The following FTO variants were observed in gnomAD, a reference collection of about 807,000 sequenced individuals.
FTO encodes the protein alpha-ketoglutarate-dependent dioxygenase FTO.
In FTO, 47 loss-of-function variants were observed where a neutral mutation model predicts 63.9. The ratio of observed to expected loss-of-function variants is 0.74; its 90% CI spans 0.58 to 0.94. The LOEUF (loss-of-function observed/expected upper bound fraction) is 0.94. FTO is among the 40% of genes least tolerant of loss of function. FTO has a pLI of 0.00. For synonymous variants in FTO, 207 were observed against 224.4 expected (o/e 0.92, Z 0.69); for missense variants, 562 against 618.1 (o/e 0.91, Z 0.96).
Position 53,788,602 on chromosome 16 carries a change from CAA to C in FTO, c.46-21517_46-21516del, listed in dbSNP as rs530568312. ...TGGGCGACAGAGCTAGACTCTGTCT[CAA>C]AAAAAAAAAAAAAAAAAAAATTGAC... is the stretch of plus-strand genomic sequence containing the variant. On this transcript the variant is annotated intron_variant, in intron 1 of 8. Transcript: ENST00000471389. Among the ~76,000 whole-genome samples the C allele has an allele frequency of 8.5e-3, 855 of 100,124 alleles. 9 individuals carry two copies. Among genetic ancestry groups the C allele is most frequent in the African/African-American group, 0.026 (717 of 27,538 alleles). The allele number at this position is 100,124 out of a possible 152,430, so 65.7% of individuals were successfully genotyped here.
chr16:54,119,781 T>C lies in FTO; in HGVS notation c.*7866T>C, dbSNP rs2086993544. 1 of 152,216 alleles carries C rather than the reference T, an allele frequency of 6.6e-6. No homozygotes were observed. The highest frequency in any genetic ancestry group is 2.1e-4 in the South Asian group (1 of 4,826). 9.4% of individuals were successfully genotyped at this position (152,216 alleles called of 1,614,324 possible). A position where few individuals can be genotyped will look rare whatever the true frequency, so the allele number is the denominator to read the frequency against. On this transcript the variant is annotated 3_prime_UTR_variant, in exon 9 of 9. Transcript: ENST00000471389. Reference sequence around the variant, plus strand: ...TCATTTAAGGGCTGCAGTGATTGTTTTTAATATACCGTACATTGATTTCTC... The same window carrying C: ...TCATTTAAGGGCTGCAGTGATTGTTCTTAATATACCGTACATTGATTTCTC...
At chr16:53,880,454 G>A (rs562149330) in intron 6 of FTO, among the ~76,000 whole-genome samples, 6 of 152,278 alleles carry the variant, frequency 3.9e-5, no homozygotes, top group Non-Finnish European at 8.8e-5. Context: ...CAGAGTCTCC[G>A]TATTTTTGTG....
At position 53,827,889 on chromosome 16, in the gene FTO, A is replaced by T. The variant is rs1027724145; in HGVS notation, c.751+1398A>T. Reference sequence around the variant, plus strand: ...GAACAATGGAGTTAGTTTCTTTCTTAAGGAGACAACTCTCCAAACCTGAAG... The same window carrying T: ...GAACAATGGAGTTAGTTTCTTTCTTTAGGAGACAACTCTCCAAACCTGAAG... On this transcript the variant is annotated intron_variant, in intron 3 of 8. Coordinates refer to ENST00000471389, the MANE Select transcript of FTO (RefSeq NM_001080432.3). 3.3e-5 allele frequency among the ~76,000 whole-genome samples: 5 copies of T among 152,330 alleles called. No individual in the cohort carries two copies. In the East Asian group the frequency reaches 9.7e-4, roughly 29 times the overall value.
intron 8 of FTO, among the ~76,000 whole-genome samples, chr16:54,028,085 G>A (rs544132982): frequency 6.6e-6 from 1 of 152,212 alleles, no homozygotes; most frequent in South Asian, 2.1e-4. Flanking sequence ...TTATCTGTCA[G>A]CAGCACCCTT....
intron 8 of FTO, chr16:53,993,682 T>G (rs1426628232): frequency 6.6e-6 from 1 of 152,260 alleles, no homozygotes; most frequent in African/African-American, 2.4e-5. Flanking sequence ...ATCCTCCTTT[T>G]GTAGCCTGCT....
Position 54,032,434 on chromosome 16 carries a change from G to A in FTO, c.1365-79328G>A, listed in dbSNP as rs569578607. Among the ~76,000 whole-genome samples the A allele has an allele frequency of 2.0e-5, 3 of 152,234 alleles. No individual in the cohort carries two copies. In the South Asian group the frequency reaches 6.2e-4, roughly 32 times the overall value. ...TACAGCCATGTAAATTAGCTATTGG[G>A]AAGACCTAAAGTGCACAACATTCTT... On this transcript the variant is annotated intron_variant, in intron 8 of 8. Transcript: ENST00000471389.
intron 8 of FTO, chr16:53,937,139 C>T (rs1228059604): frequency 1.0e-5 from 4 of 397,452 alleles, no homozygotes; most frequent in African/African-American, 4.1e-5. Flanking sequence ...CACAACCCAG[C>T]GACTCTAGAG....
intron 3 of FTO, among the ~76,000 whole-genome samples, chr16:53,839,769 CTTTT>C (rs146746378): frequency 0.4 from 57,530 of 143,956 alleles, 11,767 homozygotes; most frequent in East Asian, 0.66. Flanking sequence ...AATTGGTTTT[CTTTT>C]TTTTTATTTA....
chr16:53,957,664 A>G (rs947575543), intron 8 of FTO, among the ~76,000 whole-genome samples: 1 of 152,276 alleles, frequency 6.6e-6, no homozygotes, highest in Non-Finnish European at 1.5e-5. Context: ...CTCATGAATC[A>G]AAAGATAGCT....
At chr16:54,005,724 A>G (rs2084186772) in intron 8 of FTO, among the ~76,000 whole-genome samples, 1 of 152,202 alleles carries the variant, frequency 6.6e-6, no homozygotes, top group Non-Finnish European at 1.5e-5. Context: ...AGGATCAAAC[A>G]TAATCCTTGC....
intron 8 of FTO, among the ~76,000 whole-genome samples, chr16:53,975,722 A>G (rs1429782082): frequency 1.3e-5 from 2 of 152,158 alleles, no homozygotes; most frequent in African/African-American, 2.4e-5. Flanking sequence ...TATAAATAAT[A>G]TTAGATTGGA....
chr16:53,947,452 G>A (rs181826912), intron 8 of FTO, among the ~76,000 whole-genome samples: 1 of 152,332 alleles, frequency 6.6e-6, no homozygotes, highest in East Asian at 1.9e-4. Context: ...TGGTTCAGGA[G>A]AGGAGGAGAA....
chr16:53,974,178 G>A (rs1254727228), intron 8 of FTO, among the ~76,000 whole-genome samples: 1 of 152,128 alleles, frequency 6.6e-6, no homozygotes, highest in East Asian at 1.9e-4. Flanking sequence ...TGAGACCTCA[G>A]ACAAAAAGAT....
intron 8 of FTO, among the ~76,000 whole-genome samples, chr16:53,986,495 G>A (rs1239015777): frequency 6.6e-6 from 1 of 152,154 alleles, no homozygotes; most frequent in Non-Finnish European, 1.5e-5. Flanking sequence ...ACAGGAAGGG[G>A]TGCATTATGA....
At chr16:53,894,465 A>G (rs1213541542) in intron 7 of FTO, among the ~76,000 whole-genome samples, 1 of 152,208 alleles carries the variant, frequency 6.6e-6, no homozygotes, top group Non-Finnish European at 1.5e-5. Context: ...ATTTACTGAA[A>G]TTTTTACTGA....
intron 8 of FTO, among the ~76,000 whole-genome samples, chr16:54,018,384 TGATA>T (rs5816918): frequency 8.6e-5 from 8 of 93,462 alleles, no homozygotes; most frequent in South Asian, 8.7e-4. Flanking sequence ...GATAGATAGA[TGATA>T]GATAGATAGA....
intron 1 of FTO, among the ~76,000 whole-genome samples, chr16:53,722,101 C>T (rs1380110081): frequency 2.0e-5 from 3 of 152,144 alleles, no homozygotes; most frequent in African/African-American, 7.2e-5. Flanking sequence ...TTTCATGAAG[C>T]GTTTGAGGAT....
At chr16:53,768,168 A>G (rs2077254422) in intron 1 of FTO, among the ~76,000 whole-genome samples, 1 of 152,202 alleles carries the variant, frequency 6.6e-6, no homozygotes, top group African/African-American at 2.4e-5. Flanking sequence ...CACATTTGCC[A>G]TAGCACAGCT....
chr16:54,107,445 A>G (rs1169368446), intron 8 of FTO, among the ~76,000 whole-genome samples: 1 of 152,190 alleles, frequency 6.6e-6, no homozygotes, highest in Non-Finnish European at 1.5e-5. Flanking sequence ...GCCAGTGTGG[A>G]TGGACCAGCA....
Sources: gnomAD v4.1 joint callset for allele counts (sites outside exome capture counted in the v4.1 genomes callset) on GRCh38, gnomAD v4.1.1 for gene constraint, MANE v1.5 for transcripts, NCBI Gene and HGNC (gene_info 2026-07-23, HGNC 2026-07-21) for gene names.